Variants in IL12RB1 observed in about 807,000 individuals in gnomAD.
The protein encoded by IL12RB1 is interleukin-12 receptor subunit beta-1.
Under a neutral mutation model 94.4 loss-of-function variants are expected in IL12RB1, and 64 were observed. The ratio of observed to expected loss-of-function variants is 0.68; its 90% CI spans 0.55 to 0.83. IL12RB1 has a LOEUF of 0.83. Among genes scored for constraint, IL12RB1 ranks in the 40% least tolerant of loss-of-function variants. The pLI is 0.00. For missense variants in IL12RB1, 814 were observed against 855.6 expected, an observed-to-expected ratio of 0.95 and a Z score of 0.61; for synonymous variants, 362 against 355.5, an observed-to-expected ratio of 1.02 and a Z score of -0.21.
chr19:18,088,585 T>A (rs1297601157), upstream of IL12RB1, among the ~76,000 whole-genome samples: 6 of 147,380 alleles, frequency 4.1e-5, no homozygotes, highest in Non-Finnish European at 9.0e-5. Context: ...AAAAAAAAAA[T>A]TTAAGAGATG....
chr19:18,075,410 G>A (rs1293516406), intron 7 of IL12RB1, among the ~76,000 whole-genome samples: 1 of 151,588 alleles, frequency 6.6e-6, no homozygotes, highest in Non-Finnish European at 1.5e-5. Context: ...ACAGGCTCCC[G>A]CCACCACGCC....
At chr19:18,090,944 C>T (rs1686461667), upstream of IL12RB1, among the ~76,000 whole-genome samples, 1 of 152,066 alleles carries the variant, frequency 6.6e-6, no homozygotes, top group Non-Finnish European at 1.5e-5. Context: ...TACAGGGCAT[C>T]TCCGGCAGAG....
At chr19:18,097,319 A>C (rs1369288652) in intron 1 of IL12RB1, among the ~76,000 whole-genome samples, 1 of 151,800 alleles carries the variant, frequency 6.6e-6, no homozygotes, top group Admixed American at 6.6e-5. Flanking sequence ...CTGGGATTAC[A>C]GGCGCGCGTC....
intron 6 of IL12RB1, 142 bp downstream of exon 6, chr19:18,076,155 A>G (rs1233641667): frequency 1.4e-6 from 1 of 708,436 alleles, no homozygotes; most frequent in Admixed American, 2.0e-5. Flanking sequence ...CCCACCTGCA[A>G]TTTGGAAAGA....
chr19:18,077,010 T>G (rs2035530980), intron 5 of IL12RB1, among the ~76,000 whole-genome samples: 1 of 152,120 alleles, frequency 6.6e-6, no homozygotes, highest in East Asian at 1.9e-4. Context: ...TGCACCAGTT[T>G]ATATAGTAAC....
chr19:18,090,942 A>G (rs2146559252), upstream of IL12RB1, among the ~76,000 whole-genome samples: 1 of 152,218 alleles, frequency 6.6e-6, no homozygotes, highest in East Asian at 1.9e-4. Flanking sequence ...ATTACAGGGC[A>G]TCTCCGGCAG....
chr19:18,076,753 T>C, intron 5 of IL12RB1, among the ~76,000 whole-genome samples: 1 of 152,106 alleles, frequency 6.6e-6, no homozygotes. Context: ...ATTTCTATCG[T>C]TAATTACTAG....
At chr19:18,065,554 C>T (rs550798895) in intron 12 of IL12RB1, among the ~76,000 whole-genome samples, 2 of 152,252 alleles carry the variant, frequency 1.3e-5, no homozygotes, top group Admixed American at 6.5e-5. Flanking sequence ...CACGGTGGCT[C>T]ACACCTGTAA....
intron 1 of IL12RB1, among the ~76,000 whole-genome samples, chr19:18,093,682 G>A (rs1461135407): frequency 6.6e-6 from 1 of 152,140 alleles, no homozygotes; most frequent in Non-Finnish European, 1.5e-5. Context: ...TGGCTGAGGT[G>A]GATAAACGAG....
chr19:18,082,079 G>T (rs1180210404), intron 3 of IL12RB1, 71 bp downstream of exon 3: 1 of 897,882 alleles, frequency 1.1e-6, no homozygotes, highest in East Asian at 2.5e-5. Context: ...CCGAGAGTAG[G>T]GGCACCAGAG....
At position 18,077,565 on chromosome 19, in the gene IL12RB1, C is replaced by T. The variant is rs573390658; in HGVS notation, c.500G>A (p.Gly167Asp). The change falls in exon 5 of 17, where the codon GGT becomes GAT. Residue 167 changes from glycine to aspartate, a missense_variant. Gly to Asp is a moderately conservative substitution (Grantham distance 94). Transcript: ENST00000593993. ...MEWETPDNQV[G>D]AEVQFRHRTP... ...CCGGTGCCGGAACTGCACCTCAGCACCAACCTGGTTATCCGGGGTCTCCCA... is the reference window on the plus strand; with the variant it reads ...CCGGTGCCGGAACTGCACCTCAGCATCAACCTGGTTATCCGGGGTCTCCCA... 25 of 1,612,290 alleles carry T rather than the reference C, an allele frequency of 1.6e-5. No homozygotes were observed. In the African/African-American group the frequency reaches 2.8e-4, roughly 18 times the overall value.
chr19:18,071,335 T>G (rs1030157717), intron 9 of IL12RB1: 13 of 886,182 alleles, frequency 1.5e-5, no homozygotes. Context: ...TCATGCCATC[T>G]GTCACAAGAA....
At chr19:18,078,523 C>T (rs2035646140) in intron 4 of IL12RB1, among the ~76,000 whole-genome samples, 1 of 151,862 alleles carries the variant, frequency 6.6e-6, no homozygotes, top group Non-Finnish European at 1.5e-5. Context: ...GCTGGCAAGG[C>T]TGTGAAGAGA....
chr19:18,065,524 C>T (rs1479810630), intron 12 of IL12RB1, among the ~76,000 whole-genome samples: 8 of 151,948 alleles, frequency 5.3e-5, no homozygotes, highest in African/African-American at 1.9e-4. Context: ...AAGTTTGAAA[C>T]CAGCCTGAGC....
chr19:18,085,667 T>C (rs976846572), intron 1 of IL12RB1, among the ~76,000 whole-genome samples: 1 of 152,120 alleles, frequency 6.6e-6, no homozygotes. Flanking sequence ...TGGAATGCAG[T>C]GCTGCAATCT....
Position 18,097,679 on chromosome 19 carries a change from A to G in IL12RB1, c.-230+1076T>C, listed in dbSNP as rs1387744522. The G allele has an allele frequency of 1.2e-4, 68 of 581,630 alleles. 1 individual carries two copies. The South Asian group carries it at 4.8e-3, about 41-fold the overall frequency. The allele number at this position is 581,630 out of a possible 1,614,324, so 36.0% of individuals were successfully genotyped here. ...GGGCCCTGTGGTCGGGCTCCCCGGG[A>G]GGGGCGGGGCCAGGCCGTGTCAGCT... is the stretch of plus-strand genomic sequence containing the variant. On this transcript the variant is annotated intron_variant, in intron 1 of 4. Coordinates refer to the IL12RB1 transcript ENST00000594176.
Position 18,083,427 on chromosome 19 carries a change from C to T in IL12RB1, c.124+5G>A, listed in dbSNP as rs761367526. The T allele has an allele frequency of 5.6e-6, 9 of 1,613,954 alleles. No homozygotes were observed. Among genetic ancestry groups the T allele is most frequent in the East Asian group, 2.2e-5 (1 of 44,888 alleles). ...CTCAGCCAACAATGAGGAACTGCCC[C>T]GAACCTGAGTCTGCATCCGGATATG... On this transcript the variant is annotated splice_donor_5th_base_variant and intron_variant, in intron 2 of 16. Transcript: ENST00000593993.
chr19:18,069,863 C>T, intron 9 of IL12RB1, 150 bp from the exon 10 acceptor site: 3 of 651,614 alleles, frequency 4.6e-6, no homozygotes, highest in East Asian at 2.6e-5. Flanking sequence ...TTTCCCTGCA[C>T]TGGAGGCTGC....
At chr19:18,072,087 C>G (rs747958090) in intron 9 of IL12RB1, 25 bp downstream of exon 9, 1 of 1,493,672 alleles carries the variant, frequency 6.7e-7, no homozygotes, top group Non-Finnish European at 9.3e-7. Context: ...GCCCTCATAC[C>G]GCCCTCCCCA....
Sources: allele counts gnomAD v4.1 joint callset (sites outside exome capture counted in the v4.1 genomes callset), GRCh38; gene constraint gnomAD v4.1.1; transcripts MANE v1.5; gene names NCBI Gene and HGNC (gene_info 2026-07-23, HGNC 2026-07-21).